KLF12: variants seen among roughly 807,000 people sequenced by gnomAD.
KLF12 encodes Krueppel-like factor 12.
A neutral mutation model predicts 37.8 loss-of-function variants in KLF12; 9 were observed. That is an observed-to-expected ratio of 0.24 (90% CI 0.14 to 0.42). The LOEUF is 0.42. Ranked by LOEUF, KLF12 falls within the 10% of genes least tolerant of loss-of-function variation. The pLI, the probability that KLF12 is intolerant of heterozygous loss-of-function variation, is 1.00. For synonymous variants in KLF12, 208 were observed against 202.1 expected (o/e 1.03, Z -0.25); for missense variants, 411 against 516.0 (o/e 0.80, Z 1.97).
At chr13:73,785,211 G>GCTCAAGTGATCCTCCCGC (rs896225450) in intron 5 of KLF12, among the ~76,000 whole-genome samples, 1 of 151,534 alleles carries the variant, frequency 6.6e-6, no homozygotes, top group African/African-American at 2.4e-5. Context: ...AGCCTCCCAG[G>GCTCAAGTGATCCTCCCGC]CTCAAGTGAT....
chr13:73,918,118 T>C (rs1175734738), intron 3 of KLF12, among the ~76,000 whole-genome samples: 1 of 151,922 alleles, frequency 6.6e-6, no homozygotes, highest in Admixed American at 6.6e-5. Context: ...CATATCTATG[T>C]ATACAGAGAG....
chr13:73,850,202 CAA>C (rs1885261765), intron 3 of KLF12, among the ~76,000 whole-genome samples: 1 of 152,306 alleles, frequency 6.6e-6, no homozygotes, highest in Admixed American at 6.5e-5. Flanking sequence ...CCAAAAGTCT[CAA>C]AGCCAGTTTT....
intron 1 of KLF12, among the ~76,000 whole-genome samples, chr13:74,030,037 T>G (rs1893074474): frequency 6.6e-6 from 1 of 152,126 alleles, no homozygotes; most frequent in Non-Finnish European, 1.5e-5. Flanking sequence ...CAGTAGATCA[T>G]TTCATAGCAC....
At chr13:73,791,271 C>T (rs1215544526) in intron 5 of KLF12, among the ~76,000 whole-genome samples, 10 of 152,078 alleles carry the variant, frequency 6.6e-5, no homozygotes, top group Admixed American at 6.6e-4. Flanking sequence ...GTAGTGAAAG[C>T]TACAATTTAT....
the KLF12 span, among the ~76,000 whole-genome samples, chr13:74,162,420 T>G: frequency 6.6e-6 from 1 of 152,252 alleles, no homozygotes; most frequent in African/African-American, 2.4e-5. Flanking sequence ...TACCACTGAC[T>G]TCTTTCAATT....
intron 5 of KLF12, chr13:73,802,281 G>C (rs936908572): frequency 1.3e-5 from 2 of 152,034 alleles, no homozygotes; most frequent in African/African-American, 4.8e-5. Flanking sequence ...AACTAAAGTT[G>C]CATCAATTTT....
the KLF12 span, among the ~76,000 whole-genome samples, chr13:74,291,467 T>C: frequency 6.6e-6 from 1 of 152,216 alleles, no homozygotes; most frequent in Non-Finnish European, 1.5e-5. Flanking sequence ...CATGGCTCTC[T>C]GGGCAAAGTC....
At chr13:73,890,736 T>G (rs1887466816) in intron 3 of KLF12, among the ~76,000 whole-genome samples, 1 of 151,950 alleles carries the variant, frequency 6.6e-6, no homozygotes, top group Non-Finnish European at 1.5e-5. Flanking sequence ...AAATAAAAGA[T>G]TCCAGTCAAT....
At chr13:74,175,233 G>C in the KLF12 span, among the ~76,000 whole-genome samples, 4 of 152,124 alleles carry the variant, frequency 2.6e-5, no homozygotes, top group African/African-American at 9.7e-5. Context: ...GACCCCCAAG[G>C]GAGGCTGCAA....
At chr13:74,238,764 T>G in the KLF12 span, among the ~76,000 whole-genome samples, 1 of 152,178 alleles carries the variant, frequency 6.6e-6, no homozygotes, top group Non-Finnish European at 1.5e-5. Context: ...GTAGTTTGTA[T>G]TTCTGTGGGA....
intron 2 of KLF12, chr13:73,962,001 A>G: frequency 2.2e-6 from 1 of 455,350 alleles, no homozygotes; most frequent in Middle Eastern, 3.6e-4. Context: ...AATTTACTCA[A>G]ATGAACTGAA....
At chr13:73,901,615 T>C (rs950809126) in intron 3 of KLF12, among the ~76,000 whole-genome samples, 6 of 152,006 alleles carry the variant, frequency 3.9e-5, no homozygotes, top group African/African-American at 1.5e-4. Context: ...ACACAAATCT[T>C]CCTGGTGACA....
At chr13:74,142,904 A>G in the KLF12 span, among the ~76,000 whole-genome samples, 1 of 152,206 alleles carries the variant, frequency 6.6e-6, no homozygotes, top group Admixed American at 6.5e-5. Flanking sequence ...CTTCCAAGTT[A>G]GAATACATAT....
At chr13:74,170,925 C>T in the KLF12 span, among the ~76,000 whole-genome samples, 19 of 152,150 alleles carry the variant, frequency 1.2e-4, no homozygotes, top group South Asian at 1.0e-3. Context: ...CCACCATGCC[C>T]GGCAAATTTT....
chr13:74,018,277 G>C (rs574143291), intron 1 of KLF12, among the ~76,000 whole-genome samples: 19 of 152,296 alleles, frequency 1.2e-4, no homozygotes, highest in Middle Eastern at 6.8e-3. Flanking sequence ...ATTAGAAGTA[G>C]AGAGCAGAAT....
At chr13:74,019,746 T>C (rs891094843) in intron 1 of KLF12, among the ~76,000 whole-genome samples, 3 of 152,148 alleles carry the variant, frequency 2.0e-5, no homozygotes, top group Non-Finnish European at 4.4e-5. Flanking sequence ...AAAAGCAAAA[T>C]AAATTGTGCA....
chr13:74,188,684 A>C, the KLF12 span, among the ~76,000 whole-genome samples: 7 of 152,016 alleles, frequency 4.6e-5, no homozygotes, highest in East Asian at 5.8e-4. Flanking sequence ...ATGGGTTGTT[A>C]ATAGGTATTC....
chr13:73,975,154 GT>G (rs1891473863), intron 2 of KLF12, among the ~76,000 whole-genome samples: 1 of 151,950 alleles, frequency 6.6e-6, no homozygotes, highest in East Asian at 1.9e-4. Flanking sequence ...AACTTTTTTT[GT>G]TGTGCTTCTG....
chr13:74,154,749 T>C, the KLF12 span, among the ~76,000 whole-genome samples: 1 of 152,192 alleles, frequency 6.6e-6, no homozygotes, highest in Non-Finnish European at 1.5e-5. Flanking sequence ...CAAGAGATGA[T>C]GGGTACCGGC....
Sources: gnomAD v4.1 joint callset for allele counts (sites outside exome capture counted in the v4.1 genomes callset) on GRCh38, gnomAD v4.1.1 for gene constraint, MANE v1.5 for transcripts, NCBI Gene and HGNC (gene_info 2026-07-23, HGNC 2026-07-21) for gene names.